Variants in SLC26A3 observed in about 807,000 individuals in gnomAD.
The protein encoded by SLC26A3 is solute carrier family 26 member 3, also known as chloride anion exchanger.
In SLC26A3, 64 loss-of-function variants were observed where a neutral mutation model predicts 85.6. The observed-to-expected ratio is 0.75, with a 90% CI of 0.61 to 0.92. The LOEUF (loss-of-function observed/expected upper bound fraction) is 0.92. Ranked by LOEUF, SLC26A3 falls within the 40% of genes least tolerant of loss-of-function variation. SLC26A3 has a pLI of 0.00. For missense variants in SLC26A3, 922 were observed against 927.3 expected (o/e 0.99, Z 0.07); for synonymous variants, 349 against 336.0 (o/e 1.04, Z -0.42).
At position 107,771,669 on chromosome 7, in the gene SLC26A3, G is replaced by A. The variant is rs115750159; in HGVS notation, c.2062+385C>T. ...CGTTAATCCTAACAATCTGGACATC[G>A]CTGATAACCTTGGCAAGGATGGTCT... On this transcript the variant is annotated intron_variant, in intron 18 of 20. Transcript: ENST00000340010. 4.8e-3 allele frequency among the ~76,000 whole-genome samples: 733 copies of A among 152,256 alleles called. 2 individuals are homozygous for A. Among genetic ancestry groups the A allele is most frequent in the African/African-American group, 0.016 (684 of 41,530 alleles).
At position 107,767,649 on chromosome 7, in the gene SLC26A3, G is replaced by C; in HGVS notation, c.2206-5C>G. ...ATCAATTTTTCCATCTTTTTCCTGA[G>C]AAAAAGAGAATGGAAATATGGATTA... On this transcript the variant is annotated splice_polypyrimidine_tract_variant and splice_region_variant and intron_variant, in intron 19 of 20. Transcript: ENST00000340010. 1 of 1,609,488 alleles carries C rather than the reference G, an allele frequency of 6.2e-7. No homozygotes were observed. Among genetic ancestry groups the C allele is most frequent in the Non-Finnish European group, 8.5e-7 (1 of 1,176,278 alleles).
Position 107,767,781 on chromosome 7 carries a change from C to G in SLC26A3, c.2190G>C (p.Lys730Asn). The G allele has an allele frequency of 6.2e-7, 1 of 1,613,812 alleles. No individual in the cohort carries two copies. The highest frequency in any genetic ancestry group is 2.2e-5 in the East Asian group (1 of 44,868). The part of the protein sequence containing the change: ...ILMKKDYSTS[K>N]FNPSQEKDGK... ...GAGCTGATACCTGACTGGGATTAAACTTTGAAGTACTGTAATCTTTCTTCA... is the reference window on the plus strand; with the variant it reads ...GAGCTGATACCTGACTGGGATTAAAGTTTGAAGTACTGTAATCTTTCTTCA... Residue 730 changes from lysine to asparagine, a missense_variant, in exon 19 of 21, where the codon AAG (lysine) becomes AAC (asparagine). Coordinates refer to ENST00000340010, the MANE Select transcript of SLC26A3 (RefSeq NM_000111.3).
chr7:107,791,267 T>C lies in SLC26A3; in HGVS notation c.383-32A>G, dbSNP rs41280242. 137,031 of 1,594,834 alleles carry C rather than the reference T, an allele frequency of 0.086. 6,875 individuals are homozygous for C. The highest frequency in any genetic ancestry group is 0.2 in the African/African-American group (15,064 of 74,598). The stretch of plus-strand genomic sequence containing the variant: ...AACAGTGGGTGAATCGTGGTCAGTA[T>C]ATGCCTCTCTAAAGCACATTGTCTT... On this transcript the variant is annotated intron_variant, in intron 4 of 20. Coordinates refer to ENST00000340010, the MANE Select transcript of SLC26A3 (RefSeq NM_000111.3).
intron 17 of SLC26A3, among the ~76,000 whole-genome samples, chr7:107,773,065 CTA>C (rs1460478319): frequency 6.6e-6 from 1 of 152,118 alleles, no homozygotes. Context: ...CTGTTAGAAA[CTA>C]ATTTATTTTA....
intron 20 of SLC26A3, 23 bp downstream of exon 20, chr7:107,767,556 A>G: frequency 6.4e-7 from 1 of 1,564,396 alleles, no homozygotes; most frequent in Non-Finnish European, 8.8e-7. Context: ...CTAGGTGAAG[A>G]TAAACCTGTT....
In SLC26A3 at chr7:107,774,654, C is replaced by G. The variant is rs1794081186; in HGVS notation, c.1773+123G>C. 6 of 781,292 alleles carry G rather than the reference C, an allele frequency of 7.7e-6. No homozygotes were observed. In the East Asian group the frequency reaches 1.5e-4, roughly 20 times the overall value. 48.4% of individuals were successfully genotyped at this position (781,292 alleles called of 1,614,324 possible). On this transcript the variant is annotated intron_variant, in intron 16 of 20. Transcript: ENST00000340010. ...AAGGATGTCATTTTAAAATATAACACTCATTGACACATGAAATCCCTTGTT... is the reference window on the plus strand; with the variant it reads ...AAGGATGTCATTTTAAAATATAACAGTCATTGACACATGAAATCCCTTGTT...
intron 6 of SLC26A3, among the ~76,000 whole-genome samples, chr7:107,788,728 C>T (rs781573727): frequency 6.0e-5 from 9 of 148,852 alleles, no homozygotes; most frequent in Non-Finnish European, 8.9e-5. Flanking sequence ...TCCCTTGCTA[C>T]TTTTTCTTTT....
intron 15 of SLC26A3, 172 bp downstream of exon 15, chr7:107,776,280 C>T (rs1413385382): frequency 1.5e-6 from 1 of 650,268 alleles, no homozygotes; most frequent in Non-Finnish European, 2.8e-6. Context: ...TATTAACAAA[C>T]TCCCCATAAG....
chr7:107,773,298 C>T (rs1284278780), intron 17 of SLC26A3, among the ~76,000 whole-genome samples: 1 of 152,170 alleles, frequency 6.6e-6, no homozygotes, highest in Non-Finnish European at 1.5e-5. Flanking sequence ...ATAATTTAGA[C>T]ACAATGCCCA....
intron 1 of SLC26A3, among the ~76,000 whole-genome samples, chr7:107,800,505 C>T (rs1053652154): frequency 6.6e-6 from 1 of 152,192 alleles, no homozygotes; most frequent in Non-Finnish European, 1.5e-5. Context: ...TGATCATTTC[C>T]TTCTTGTAAG....
At chr7:107,768,695 A>T (rs1793955817) in intron 18 of SLC26A3, among the ~76,000 whole-genome samples, 3 of 152,186 alleles carry the variant, frequency 2.0e-5, no homozygotes, top group African/African-American at 7.2e-5. Flanking sequence ...TTTTTTGTTG[A>T]ATATATGAGA....
At chr7:107,782,763 T>C in intron 11 of SLC26A3, 34 bp downstream of exon 11, 1 of 1,596,560 alleles carries the variant, frequency 6.3e-7, no homozygotes, top group African/African-American at 1.3e-5. Context: ...GATTTACCAC[T>C]AAAAGTAGAG....
At position 107,793,821 on chromosome 7, in the gene SLC26A3, C is replaced by G; in HGVS notation, c.192G>C (p.Leu64Phe). 2 of 1,614,092 alleles carry G rather than the reference C, an allele frequency of 1.2e-6. No homozygotes were observed. The highest frequency in any genetic ancestry group is 1.7e-6 in the Non-Finnish European group (2 of 1,179,972). ...VLSLFPIASW[L>F]PAYRLKEWLL... ...ACCATTCTTTAAGCCGGTATGCTGGCAACCAAGATGCTATGGGGAACAAAG... is the reference window on the plus strand; with the variant it reads ...ACCATTCTTTAAGCCGGTATGCTGGGAACCAAGATGCTATGGGGAACAAAG... The change falls in exon 3 of 21, where the codon TTG becomes TTC. Residue 64 changes from leucine to phenylalanine, a missense_variant. Leu to Phe is a conservative substitution (Grantham distance 22). Coordinates refer to ENST00000340010, the MANE Select transcript of SLC26A3 (RefSeq NM_000111.3).
At chr7:107,770,270 G>T (rs201957035) in intron 18 of SLC26A3, among the ~76,000 whole-genome samples, 1 of 44,524 alleles carries the variant, frequency 2.2e-5, no homozygotes, top group Non-Finnish European at 4.2e-5. Context: ...TTTTTTTTTT[G>T]ATTTGAGACA....
intron 17 of SLC26A3, among the ~76,000 whole-genome samples, chr7:107,773,550 T>TA (rs1794059678): frequency 6.6e-6 from 1 of 152,216 alleles, no homozygotes; most frequent in Non-Finnish European, 1.5e-5. Flanking sequence ...CTTCCACAAA[T>TA]ACAGTTTTTT....
rs776778077 is a variant in SLC26A3, at chr7:107,774,886, T to C, written c.1678-14A>G. 6.2e-7 allele frequency: 1 copy of C among 1,601,718 alleles called. No homozygotes were observed. Among genetic ancestry groups the C allele is most frequent in the South Asian group, 1.1e-5 (1 of 90,836 alleles). The stretch of plus-strand genomic sequence containing the variant: ...ACTAAAGCCAACCTGAGAAACCCAT[T>C]GCTGTGTTACAAGAGTACTGAATAT... On this transcript the variant is annotated splice_polypyrimidine_tract_variant and intron_variant, in intron 15 of 20. Coordinates refer to ENST00000340010, the MANE Select transcript of SLC26A3 (RefSeq NM_000111.3).
At chr7:107,768,885 A>G (rs1793958939) in intron 18 of SLC26A3, among the ~76,000 whole-genome samples, 1 of 152,116 alleles carries the variant, frequency 6.6e-6, no homozygotes, top group Admixed American at 6.6e-5. Flanking sequence ...TGACAGAGGG[A>G]GAGGGAGCGT....
intron 6 of SLC26A3, among the ~76,000 whole-genome samples, chr7:107,789,203 G>A (rs1191147349): frequency 4.8e-5 from 7 of 146,728 alleles, no homozygotes; most frequent in South Asian, 2.2e-4. Flanking sequence ...TGCAAGATCC[G>A]CCTCCTGGGT....
At chr7:107,800,585 T>C (rs1035208930) in intron 1 of SLC26A3, among the ~76,000 whole-genome samples, 6 of 152,268 alleles carry the variant, frequency 3.9e-5, no homozygotes, top group African/African-American at 7.2e-5. Context: ...TAAGACTGAG[T>C]TTCCCAAGGG....
Sources: allele counts gnomAD v4.1 joint callset (sites outside exome capture counted in the v4.1 genomes callset), GRCh38; gene constraint gnomAD v4.1.1; transcripts MANE v1.5; gene names NCBI Gene and HGNC (gene_info 2026-07-23, HGNC 2026-07-21).